CHLSN: variants seen among roughly 807,000 people sequenced by gnomAD.
CHLSN encodes protein cholesin.
chr7:1,100,848 A>G, the CHLSN span, among the ~76,000 whole-genome samples: 1 of 152,100 alleles, frequency 6.6e-6, no homozygotes, highest in Non-Finnish European at 1.5e-5. Flanking sequence ...CCCCGAAAGG[A>G]CAGCTGCGTC....
the CHLSN span, among the ~76,000 whole-genome samples, chr7:1,032,735 T>C: frequency 1.3e-5 from 2 of 152,204 alleles, no homozygotes. Flanking sequence ...CTCCAGTCTG[T>C]CCATGACAGG....
the CHLSN span, among the ~76,000 whole-genome samples, chr7:1,115,531 GCAGGATGACATCACT>G: frequency 6.8e-6 from 1 of 147,242 alleles, no homozygotes; most frequent in African/African-American, 2.5e-5. Context: ...CAACGCCCAT[GCAGGATGACATCACT>G]ACAGCTCTAC....
At chr7:993,985 C>A in the CHLSN span, among the ~76,000 whole-genome samples, 1 of 152,118 alleles carries the variant, frequency 6.6e-6, no homozygotes, top group Admixed American at 6.5e-5. Context: ...CCGGAAGCCG[C>A]ACAGTGCTGT....
the CHLSN span, among the ~76,000 whole-genome samples, chr7:1,073,079 G>A: frequency 1.3e-5 from 2 of 152,134 alleles, no homozygotes; most frequent in Non-Finnish European, 2.9e-5. Context: ...CTGTCATTCT[G>A]TTGTCTCTAG....
At chr7:1,028,861 C>T in the CHLSN span, 1 of 802,628 alleles carries the variant, frequency 1.2e-6, no homozygotes, top group Non-Finnish European at 1.5e-6. Context: ...AGTCTGCCAT[C>T]TCCCCAATCT....
the CHLSN span, among the ~76,000 whole-genome samples, chr7:1,016,091 G>GCACAGCAGCA: frequency 3.5e-5 from 2 of 56,366 alleles, no homozygotes; most frequent in Non-Finnish European, 3.3e-5. Context: ...ACACAGCAGC[G>GCACAGCAGCA]CACAGCAGCA....
chr7:1,059,813 GGGTCTGT>G, the CHLSN span, among the ~76,000 whole-genome samples: 19 of 86,126 alleles, frequency 2.2e-4, 2 homozygotes, highest in Non-Finnish European at 4.3e-4. Context: ...GTAGTGGGGC[GGGTCTGT>G]AGTGGGGCGG....
At chr7:1,058,229 C>T in the CHLSN span, 42 of 759,860 alleles carry the variant, frequency 5.5e-5, no homozygotes, top group Non-Finnish European at 8.9e-5. Flanking sequence ...TGGTGGCCAC[C>T]GTGTGCACGC....
chr7:1,095,381 A>G, the CHLSN span, among the ~76,000 whole-genome samples: 1 of 150,514 alleles, frequency 6.6e-6, no homozygotes. Flanking sequence ...TCTTTACAAG[A>G]TGCATGCTTC....
the CHLSN span, chr7:1,026,544 C>G: frequency 6.6e-6 from 1 of 152,232 alleles, no homozygotes; most frequent in Non-Finnish European, 1.5e-5. Flanking sequence ...CAGGAGCAGC[C>G]GCTAAGCACA....
At chr7:1,035,527 A>G in the CHLSN span, among the ~76,000 whole-genome samples, 1 of 152,250 alleles carries the variant, frequency 6.6e-6, no homozygotes, top group South Asian at 2.1e-4. Context: ...GATGGCAAAT[A>G]AGCATGGGGC....
At chr7:1,015,595 G>C in the CHLSN span, among the ~76,000 whole-genome samples, 6 of 152,226 alleles carry the variant, frequency 3.9e-5, no homozygotes, top group South Asian at 2.1e-4. Flanking sequence ...GGAGACCCAG[G>C]GCTGACCCAG....
the CHLSN span, among the ~76,000 whole-genome samples, chr7:1,136,844 T>TA: frequency 4.6e-5 from 7 of 151,944 alleles, no homozygotes; most frequent in Admixed American, 2.0e-4. Context: ...AGCTCAAGCT[T>TA]AAAACCTTGG....
At chr7:1,018,095 C>T in the CHLSN span, among the ~76,000 whole-genome samples, 2 of 152,180 alleles carry the variant, frequency 1.3e-5, no homozygotes, top group Non-Finnish European at 2.9e-5. Flanking sequence ...CGCATACACA[C>T]GCGTGCACAC....
the CHLSN span, among the ~76,000 whole-genome samples, chr7:1,070,870 G>GCACACGTGCACATGCA: frequency 2.9e-5 from 4 of 136,148 alleles, no homozygotes; most frequent in Non-Finnish European, 6.1e-5. Context: ...ACACGGGTGC[G>GCACACGTGCACATGCA]CACACGTGCA....
At chr7:1,052,372 C>G in the CHLSN span, among the ~76,000 whole-genome samples, 5 of 152,082 alleles carry the variant, frequency 3.3e-5, no homozygotes, top group Non-Finnish European at 7.4e-5. The surrounding 1 kb of genome is among the most constrained non-coding windows in gnomAD (Gnocchi z 4.2). Context: ...GTGCTGGCAC[C>G]GACGTGGGCC....
chr7:1,132,763 G>C, the CHLSN span, among the ~76,000 whole-genome samples: 1 of 148,456 alleles, frequency 6.7e-6, no homozygotes, highest in African/African-American at 2.5e-5. Flanking sequence ...TCACTTATCT[G>C]AGAAGACACT....
At chr7:1,028,613 G>A in the CHLSN span, 4 of 982,104 alleles carry the variant, frequency 4.1e-6, no homozygotes, top group Non-Finnish European at 4.8e-6. Flanking sequence ...GCCCGCGCAG[G>A]GCCCCTGCCA....
chr7:1,000,956 AAT>A, the CHLSN span, among the ~76,000 whole-genome samples: 1 of 151,498 alleles, frequency 6.6e-6, no homozygotes, highest in Non-Finnish European at 1.5e-5. Flanking sequence ...TGTAAGGAAC[AAT>A]ACCCTGAGTC....
Sources: gnomAD v4.1 joint callset for allele counts (sites outside exome capture counted in the v4.1 genomes callset) on GRCh38, gnomAD v4.1.1 for gene constraint, Gnocchi (gnomAD v3.1) non-coding constraint, MANE v1.5 for transcripts, NCBI Gene and HGNC (gene_info 2026-07-23, HGNC 2026-07-21) for gene names.